DLGAP2: variants seen among roughly 807,000 people sequenced by gnomAD.
DLGAP2 encodes the protein disks large-associated protein 2.
In DLGAP2, 26 loss-of-function variants were observed where a neutral mutation model predicts 100.3. The ratio of observed to expected loss-of-function variants is 0.26; its 90% CI spans 0.19 to 0.36. DLGAP2 has a LOEUF of 0.36. Among genes scored for constraint, DLGAP2 ranks in the 10% least tolerant of loss-of-function variants. The probability of loss-of-function intolerance (pLI) is 1.00; values close to 1 mark genes in which losing one functional copy is unlikely to be tolerated. For missense variants in DLGAP2, 1,858 were observed against 1,453.2 expected (o/e 1.28, Z -4.53); for synonymous variants, 886 against 630.1 (o/e 1.41, Z -6.08).
chr8:1,081,266 G>A (rs150302039), intron 2 of DLGAP2, among the ~76,000 whole-genome samples: 1 of 152,172 alleles, frequency 6.6e-6, no homozygotes, highest in African/African-American at 2.4e-5. Context: ...CCTGCACTTA[G>A]TAAAAACTCA....
intron 2 of DLGAP2, among the ~76,000 whole-genome samples, chr8:1,197,083 T>C (rs911206310): frequency 6.6e-6 from 1 of 152,152 alleles, no homozygotes; most frequent in Non-Finnish European, 1.5e-5. Flanking sequence ...TTCTCCTTTC[T>C]CCACCTTTTT....
chr8:1,027,900 C>T lies in DLGAP2; in HGVS notation c.73+119934C>T, dbSNP rs1387530542. On this transcript the variant is annotated intron_variant, in intron 2 of 14. Transcript: ENST00000637795. ...TTCTCCAGGTGGGGTGCCAGGCGCC[C>T]GTTATTCTCCAGGTGGGGTGCTCGG... 6.5e-5 allele frequency among the ~76,000 whole-genome samples: 9 copies of T among 138,866 alleles called. No homozygotes were observed. In the East Asian group the frequency reaches 1.4e-3, roughly 22 times the overall value. 91.1% of individuals were successfully genotyped at this position (138,866 alleles called of 152,430 possible).
chr8:1,370,188 C>T (rs777376314), intron 3 of DLGAP2, among the ~76,000 whole-genome samples: 9 of 152,140 alleles, frequency 5.9e-5, no homozygotes, highest in Admixed American at 3.9e-4. Flanking sequence ...CTCTCAGTGT[C>T]CTCAGCACTG....
intron 1 of DLGAP2, among the ~76,000 whole-genome samples, chr8:774,934 T>G: frequency 6.7e-6 from 1 of 150,114 alleles, no homozygotes; most frequent in Admixed American, 6.6e-5. Context: ...GTAAATTACC[T>G]TGGGCAGTAT....
intron 1 of DLGAP2, among the ~76,000 whole-genome samples, chr8:832,984 C>G (rs1796809154): frequency 6.6e-6 from 1 of 152,204 alleles, no homozygotes; most frequent in Non-Finnish European, 1.5e-5. Context: ...ACACAGCACA[C>G]TGATCTGGAT....
At chr8:1,422,869 C>G (rs563532001) in intron 3 of DLGAP2, among the ~76,000 whole-genome samples, 1 of 152,230 alleles carries the variant, frequency 6.6e-6, no homozygotes, top group Non-Finnish European at 1.5e-5. Flanking sequence ...TGTGCTGTTC[C>G]AGAATCAAGC....
At chr8:1,017,850 G>A (rs1801512389) in intron 2 of DLGAP2, among the ~76,000 whole-genome samples, 1 of 152,222 alleles carries the variant, frequency 6.6e-6, no homozygotes, top group African/African-American at 2.4e-5. Context: ...AGCTGCTTTA[G>A]TTCAGGGCAG....
intron 3 of DLGAP2, among the ~76,000 whole-genome samples, chr8:1,299,674 A>G (rs1048481163): frequency 2.6e-5 from 4 of 152,122 alleles, no homozygotes; most frequent in African/African-American, 9.7e-5. Flanking sequence ...TCCCTATCTA[A>G]TATTTTTAAA....
At chr8:1,264,315 G>T (rs1210424143) in intron 3 of DLGAP2, among the ~76,000 whole-genome samples, 1 of 152,106 alleles carries the variant, frequency 6.6e-6, no homozygotes, top group Non-Finnish European at 1.5e-5. Flanking sequence ...GCCCTGTCAG[G>T]TAGGGGTGGT....
intron 6 of DLGAP2, among the ~76,000 whole-genome samples, chr8:1,610,463 A>G (rs1249043787): frequency 3.4e-5 from 5 of 148,634 alleles, no homozygotes; most frequent in East Asian, 2.0e-4. Flanking sequence ...ACACCCTAAC[A>G]TCACAATTAA....
intron 3 of DLGAP2, among the ~76,000 whole-genome samples, chr8:1,413,018 C>T (rs1052090777): frequency 1.3e-5 from 2 of 152,120 alleles, no homozygotes; most frequent in African/African-American, 4.8e-5. Context: ...TCCTTCAATA[C>T]CCAGCTCAAG....
At chr8:1,276,052 A>G (rs1256330889) in intron 3 of DLGAP2, among the ~76,000 whole-genome samples, 1 of 140,128 alleles carries the variant, frequency 7.1e-6, no homozygotes, top group Non-Finnish European at 1.5e-5. Flanking sequence ...AAAAATATAT[A>G]ATATATAAAA....
At chr8:932,118 G>A (rs949924140) in intron 2 of DLGAP2, among the ~76,000 whole-genome samples, 4 of 152,196 alleles carry the variant, frequency 2.6e-5, no homozygotes, top group African/African-American at 9.7e-5. Flanking sequence ...GATCTTGGAG[G>A]AAGAGCAAGT....
intron 2 of DLGAP2, among the ~76,000 whole-genome samples, chr8:1,022,884 G>C (rs1229421093): frequency 6.6e-6 from 1 of 152,194 alleles, no homozygotes; most frequent in Non-Finnish European, 1.5e-5. Context: ...TCAGAGTGTT[G>C]TCTTTGCACT....
intron 1 of DLGAP2, among the ~76,000 whole-genome samples, chr8:769,379 G>T (rs1266462202): frequency 6.6e-6 from 1 of 151,884 alleles, no homozygotes; most frequent in Non-Finnish European, 1.5e-5. Flanking sequence ...TTGTGAAGTG[G>T]GATGCCCCAT....
At chr8:1,573,090 G>A in intron 6 of DLGAP2, among the ~76,000 whole-genome samples, 1 of 105,906 alleles carries the variant, frequency 9.4e-6, no homozygotes, top group African/African-American at 4.0e-5. Context: ...CTGATGAGAT[G>A]GAGAGGAGAG....
intron 11 of DLGAP2, 86 bp downstream of exon 11, chr8:1,676,704 C>A: frequency 7.4e-7 from 1 of 1,342,356 alleles, no homozygotes; most frequent in Non-Finnish European, 1.0e-6. Flanking sequence ...ATCCTGCCGG[C>A]CCTCAATCAT....
intron 2 of DLGAP2, among the ~76,000 whole-genome samples, chr8:1,165,694 C>A (rs753706448): frequency 6.6e-5 from 10 of 152,112 alleles, no homozygotes; most frequent in Non-Finnish European, 1.0e-4. Context: ...GTTTTTAGCT[C>A]AGTTTGCTGT....
intron 2 of DLGAP2, among the ~76,000 whole-genome samples, chr8:1,063,862 C>G (rs369105442): frequency 6.6e-6 from 1 of 152,138 alleles, no homozygotes; most frequent in Non-Finnish European, 1.5e-5. Flanking sequence ...TCTGTTGTGG[C>G]CTTTAATTTG....
Sources: allele counts gnomAD v4.1 joint callset (sites outside exome capture counted in the v4.1 genomes callset), GRCh38; gene constraint gnomAD v4.1.1; transcripts MANE v1.5; gene names NCBI Gene and HGNC (gene_info 2026-07-23, HGNC 2026-07-21).